Variants in CRMP1 observed in about 807,000 individuals in gnomAD.
The protein encoded by CRMP1 is collapsin response mediator protein 1.
In CRMP1, 19 loss-of-function variants were observed where a neutral mutation model predicts 68.3. That is an observed-to-expected ratio of 0.28 (90% confidence interval 0.19 to 0.41). CRMP1 has a LOEUF of 0.41. CRMP1 is among the 10% of genes least tolerant of loss of function. CRMP1 has a pLI of 1.00. For missense variants in CRMP1, 791 were observed against 967.4 expected, an observed-to-expected ratio of 0.82 and a Z score of 2.42; for synonymous variants, 439 against 399.6, an observed-to-expected ratio of 1.10 and a Z score of -1.18.
chr4:5,824,049 C>T (rs1176433817), intron 13 of CRMP1, among the ~76,000 whole-genome samples: 1 of 152,134 alleles, frequency 6.6e-6, no homozygotes, highest in Non-Finnish European at 1.5e-5. Flanking sequence ...ACTGAGAGAA[C>T]AAGGGTGAGG....
Position 5,853,789 on chromosome 4 carries a change from T to C in CRMP1, c.821-2320A>G, listed in dbSNP as rs1355349985. Among the ~76,000 whole-genome samples, 1 of 152,230 alleles carries C rather than the reference T, an allele frequency of 6.6e-6. No individual in the cohort carries two copies. Among genetic ancestry groups the C allele is most frequent in the African/African-American group, 2.4e-5 (1 of 41,460 alleles). ...CATCGTGTCATTTGCAGCAACAAAG[T>C]TGAAGCTGTGGAACCCTATGTTAAG... On this transcript the variant is annotated intron_variant, in intron 4 of 13. Coordinates refer to ENST00000324989, the MANE Select transcript of CRMP1 (RefSeq NM_001014809.3). The surrounding 1 kb of genome is among the most constrained non-coding windows in gnomAD (Gnocchi z 4.7).
chr4:5,861,257 G>T lies in CRMP1; in HGVS notation c.471-47C>A. 1 of 1,575,728 alleles carries T rather than the reference G, an allele frequency of 6.3e-7. No individual in the cohort carries two copies. The highest frequency in any genetic ancestry group is 2.2e-5 in the East Asian group (1 of 44,522). On this transcript the variant is annotated intron_variant, in intron 2 of 13. Transcript: ENST00000324989. The surrounding 1 kb of genome is among the most constrained non-coding windows in gnomAD (Gnocchi z 6.0). ...AGCCTTGGTTCTTAAAGGAAAAGTA[G>T]AATGGGCAGTCAACCCGCAGCTTCA...
rs1030571271 is a variant in CRMP1, at chr4:5,859,631, C to T, written c.655+1395G>A. ...AGTCATGCAGTTGCCTGCTGAGTGC[C>T]AGTGCTCAGGTTCAAACCCTGGCCA... On this transcript the variant is annotated intron_variant, in intron 3 of 13. Coordinates refer to ENST00000324989, the MANE Select transcript of CRMP1 (RefSeq NM_001014809.3). The surrounding 1 kb of genome is among the most constrained non-coding windows in gnomAD (Gnocchi z 5.2). Among the ~76,000 whole-genome samples, 2 of 152,224 alleles carry T rather than the reference C, an allele frequency of 1.3e-5. No individual in the cohort carries two copies. The highest frequency in any genetic ancestry group is 2.9e-5 in the Non-Finnish European group (2 of 68,040).
At chr4:5,885,518 T>C (rs1348211438) in intron 1 of CRMP1, among the ~76,000 whole-genome samples, 2 of 152,182 alleles carry the variant, frequency 1.3e-5, no homozygotes, top group African/African-American at 4.8e-5. Context: ...TGTGCAGCGG[T>C]TGCCCTGGGA....
In CRMP1 at chr4:5,855,186, C is replaced by A. The variant is rs988000250; in HGVS notation, c.820+957G>T. On this transcript the variant is annotated intron_variant, in intron 4 of 13. Coordinates refer to ENST00000324989, the MANE Select transcript of CRMP1 (RefSeq NM_001014809.3). This position sits in a 1 kb window ranked among gnomAD's most constrained non-coding sequence, Gnocchi z 4.9. ...GGGAATGGAAAGCAATAATCCTGCA[C>A]ATTTAGAGTAAATTGTGATTGGGGG... 2.0e-5 allele frequency among the ~76,000 whole-genome samples: 3 copies of A among 152,208 alleles called. No individual in the cohort carries two copies. The South Asian group carries it at 6.2e-4, about 32-fold the overall frequency.
At position 5,866,308 on chromosome 4, in the gene CRMP1, G is replaced by A. The variant is rs147727012; in HGVS notation, c.470+360C>T. On this transcript the variant is annotated intron_variant, in intron 2 of 13. Coordinates refer to ENST00000324989, the MANE Select transcript of CRMP1 (RefSeq NM_001014809.3). The surrounding 1 kb of genome is among the most constrained non-coding windows in gnomAD (Gnocchi z 5.9). ...ATTCAGTTGTCTCAGGGTGGAATCC[G>A]GGCCTTGACCCTAACTCACCCCGTC... 1.3e-5 allele frequency among the ~76,000 whole-genome samples: 2 copies of A among 152,208 alleles called. No homozygotes were observed. The highest frequency in any genetic ancestry group is 1.9e-4 in the East Asian group (1 of 5,176).
At chr4:5,826,474 CTGCAGGAGGACGA>C (rs1303927453) in intron 12 of CRMP1, 1 of 152,500 alleles carries the variant, frequency 6.6e-6, no homozygotes, top group Non-Finnish European at 1.5e-5. Flanking sequence ...CCACACCAGC[CTGCAGGAGGACGA>C]GGAAGGAGGG....
At chr4:5,867,182 T>C (rs1299684851) in intron 1 of CRMP1, among the ~76,000 whole-genome samples, 1 of 152,218 alleles carries the variant, frequency 6.6e-6, no homozygotes. Flanking sequence ...ATTAACTTAA[T>C]ACCTTGCTTA....
intron 1 of CRMP1, among the ~76,000 whole-genome samples, chr4:5,880,853 C>T (rs1272669991): frequency 6.6e-6 from 1 of 152,236 alleles, no homozygotes; most frequent in Non-Finnish European, 1.5e-5. Flanking sequence ...AGGAAGTCCA[C>T]AATCTTGCTC....
intron 9 of CRMP1, among the ~76,000 whole-genome samples, chr4:5,839,167 A>G (rs947992967): frequency 6.6e-6 from 1 of 152,200 alleles, no homozygotes; most frequent in African/African-American, 2.4e-5. Flanking sequence ...AACGAGGGAG[A>G]CAGAGAGATG....
intron 8 of CRMP1, among the ~76,000 whole-genome samples, chr4:5,840,773 C>A (rs1304383458): frequency 6.6e-6 from 1 of 152,226 alleles, no homozygotes; most frequent in African/African-American, 2.4e-5. Flanking sequence ...CTCTGAGCCC[C>A]GGTTTCCTTA....
Position 5,859,805 on chromosome 4 carries a change from G to A in CRMP1, c.655+1221C>T, listed in dbSNP as rs141528405. On this transcript the variant is annotated intron_variant, in intron 3 of 13. Transcript: ENST00000324989. This position sits in a 1 kb window ranked among gnomAD's most constrained non-coding sequence, Gnocchi z 5.2. ...GGACTTGGCAAACTCTGCCCATGGCGGTGGGCTTCAGCCCACAGACCACAC... is the reference window on the plus strand; with the variant it reads ...GGACTTGGCAAACTCTGCCCATGGCAGTGGGCTTCAGCCCACAGACCACAC... Among the ~76,000 whole-genome samples the A allele has an allele frequency of 3.7e-4, 56 of 152,232 alleles. 1 individual carries two copies. In the East Asian group the frequency reaches 8.7e-3, roughly 24 times the overall value.
chr4:5,892,551 C>A lies in CRMP1; in HGVS notation c.381+38G>T. On this transcript the variant is annotated intron_variant, in intron 1 of 13. Transcript: ENST00000324989. This position sits in a 1 kb window ranked among gnomAD's most constrained non-coding sequence, Gnocchi z 8.6. ...CCATGCCCTGGGTCCTCCCGGGGCC[C>A]GCCCCCCTCGTCTGGCCCGCGCGCG... The A allele has an allele frequency of 8.6e-7, 1 of 1,168,444 alleles. No individual in the cohort carries two copies. Among genetic ancestry groups the A allele is most frequent in the Non-Finnish European group, 1.1e-6 (1 of 946,978 alleles). 72.4% of individuals were successfully genotyped at this position (1,168,444 alleles called of 1,614,324 possible).
intron 4 of CRMP1, among the ~76,000 whole-genome samples, chr4:5,852,699 A>C (rs77973723): frequency 6.6e-6 from 1 of 152,200 alleles, no homozygotes; most frequent in Non-Finnish European, 1.5e-5. Context: ...TAAGACGACA[A>C]GTCCCTGCCC....
intron 3 of CRMP1, among the ~76,000 whole-genome samples, chr4:5,857,606 A>G (rs1231292076): frequency 6.6e-6 from 1 of 152,188 alleles, no homozygotes; most frequent in Non-Finnish European, 1.5e-5. Context: ...AATCCTCACA[A>G]CTGTCCTGTA....
At position 5,821,256 on chromosome 4, in the gene CRMP1, G is replaced by A. The variant is rs1300299843; in HGVS notation, c.*504C>T. ...TGTGGACCAGAGGTGGGGGCAATGAGTAAACATCTTCACTGTAAGGGTTTT... is the reference window on the plus strand; with the variant it reads ...TGTGGACCAGAGGTGGGGGCAATGAATAAACATCTTCACTGTAAGGGTTTT... On this transcript the variant is annotated 3_prime_UTR_variant, in exon 14 of 14. Transcript: ENST00000324989. This position sits in a 1 kb window ranked among gnomAD's most constrained non-coding sequence, Gnocchi z 4.4. 6.5e-6 allele frequency: 1 copy of A among 153,628 alleles called. No homozygotes were observed. Among genetic ancestry groups the A allele is most frequent in the East Asian group, 1.9e-4 (1 of 5,240 alleles). 9.5% of individuals were successfully genotyped at this position (153,628 alleles called of 1,614,324 possible). A position where few individuals can be genotyped will look rare whatever the true frequency, so the allele number is the denominator to read the frequency against.
chr4:5,887,250 T>G, intron 1 of CRMP1: 1 of 653,264 alleles, frequency 1.5e-6, no homozygotes, highest in Non-Finnish European at 1.9e-6. Context: ...CTCTGGCAGG[T>G]GCCCTGCGAC....
In CRMP1 at chr4:5,877,762, A is replaced by G. The variant is rs1714940596; in HGVS notation, c.382-11006T>C. Among the ~76,000 whole-genome samples, 2 of 152,114 alleles carry G rather than the reference A, an allele frequency of 1.3e-5. No individual in the cohort carries two copies. Among genetic ancestry groups the G allele is most frequent in the African/African-American group, 4.8e-5 (2 of 41,416 alleles). ...TCCCCCCGATATTATGCCTGTTTCCATGACAACTGCAGTTATAAGTGCACA... is the reference window on the plus strand; with the variant it reads ...TCCCCCCGATATTATGCCTGTTTCCGTGACAACTGCAGTTATAAGTGCACA... On this transcript the variant is annotated intron_variant, in intron 1 of 13. Coordinates refer to ENST00000324989, the MANE Select transcript of CRMP1 (RefSeq NM_001014809.3). This position sits in a 1 kb window ranked among gnomAD's most constrained non-coding sequence, Gnocchi z 4.3.
chr4:5,869,965 C>T (rs1378866834), intron 1 of CRMP1, among the ~76,000 whole-genome samples: 1 of 152,178 alleles, frequency 6.6e-6, no homozygotes, highest in African/African-American at 2.4e-5. Flanking sequence ...GGACCAGGTC[C>T]CATGGTCTTA....
Sources: allele counts gnomAD v4.1 joint callset (sites outside exome capture counted in the v4.1 genomes callset), GRCh38; gene constraint gnomAD v4.1.1; non-coding constraint Gnocchi (gnomAD v3.1); transcripts MANE v1.5; gene names NCBI Gene and HGNC (gene_info 2026-07-23, HGNC 2026-07-21).